Variants in PRAME observed in about 807,000 individuals in gnomAD.
PRAME encodes the protein PRAME nuclear receptor transcriptional regulator, also known as melanoma antigen preferentially expressed in tumors.
Under a neutral mutation model 32.1 loss-of-function variants are expected in PRAME, and 21 were observed. The ratio of observed to expected loss-of-function variants is 0.65; its 90% CI spans 0.46 to 0.94. The LOEUF is 0.94. PRAME is among the 40% of genes least tolerant of loss of function. The pLI is 0.00. For missense variants in PRAME, 651 were observed against 622.3 expected, an observed-to-expected ratio of 1.05 and a Z score of -0.49; for synonymous variants, 274 against 251.5, an observed-to-expected ratio of 1.09 and a Z score of -0.85.
intron 4 of PRAME, 137 bp from the exon 5 acceptor site, chr22:22,550,471 T>G: frequency 8.2e-7 from 1 of 1,226,108 alleles, no homozygotes; most frequent in Non-Finnish European, 1.1e-6. Context: ...ACTTCAGGCA[T>G]CAGCTGCTCC....
intron 4 of PRAME, 113 bp downstream of exon 4, chr22:22,550,654 C>T: frequency 7.9e-7 from 1 of 1,261,028 alleles, no homozygotes; most frequent in Non-Finnish European, 1.1e-6. Flanking sequence ...AACTTCCTTG[C>T]TGGCAACCAT....
intron 3 of PRAME, among the ~76,000 whole-genome samples, chr22:22,554,974 A>G (rs2062819497): frequency 6.6e-6 from 1 of 151,978 alleles, no homozygotes; most frequent in African/African-American, 2.4e-5. Context: ...CCAGCTTCAC[A>G]CTGCCAGTTT....
rs2062347406 is a variant in PRAME, at chr22:22,548,088, G to A, written c.1509C>T (p.Cys503=). 1 of 1,611,606 alleles carries A rather than the reference G, an allele frequency of 6.2e-7. No homozygotes were observed. Among genetic ancestry groups the A allele is most frequent in the Non-Finnish European group, 8.5e-7 (1 of 1,178,504 alleles). The stretch of plus-strand genomic sequence containing the variant: ...CCAGCTAATTAGGCATGAAACAGGG[G>A]CACAGGATGGGCTCCGGGTCATAGA... The part of the protein sequence containing the change: ...RTFYDPEPIL[C]PCFMPN The change falls in exon 6 of 6, where the codon TGC becomes TGT. Residue 503 remains cysteine (C), a synonymous_variant. Transcript: ENST00000405655.
intron 3 of PRAME, among the ~76,000 whole-genome samples, chr22:22,554,773 T>C (rs773166181): frequency 6.6e-6 from 1 of 151,932 alleles, no homozygotes; most frequent in African/African-American, 2.4e-5. Flanking sequence ...ATCTAAGTGT[T>C]AGAAAGGGCT....
intron 2 of PRAME, chr22:22,557,126 G>T (rs1432623762): frequency 7.9e-6 from 4 of 507,640 alleles, no homozygotes; most frequent in Non-Finnish European, 1.4e-5. Context: ...CCATGTGGTT[G>T]GTCACAAGTG....
intron 3 of PRAME, chr22:22,554,152 ATCCTGGGCCTG>A: frequency 1.0e-6 from 1 of 985,140 alleles, no homozygotes; most frequent in Non-Finnish European, 1.2e-6. Context: ...GATGATTCCT[ATCCTGGGCCTG>A]ATCACCCACT....
chr22:22,548,001 G>A lies in PRAME; in HGVS notation c.*66C>T, dbSNP rs1398833891. On this transcript the variant is annotated 3_prime_UTR_variant, in exon 6 of 6. Coordinates refer to ENST00000405655, the MANE Select transcript of PRAME (RefSeq NM_206956.3). ...AACTGTGGCTGCTTTGTTGCTTCAA[G>A]ATGCATGCACATCCTGGCTTTAGTG... 3 of 1,477,942 alleles carry A rather than the reference G, an allele frequency of 2.0e-6. No homozygotes were observed. Among genetic ancestry groups the A allele is most frequent in the Non-Finnish European group, 2.8e-6 (3 of 1,090,222 alleles). 91.6% of individuals were successfully genotyped at this position (1,477,942 alleles called of 1,614,324 possible).
intron 4 of PRAME, 66 bp downstream of exon 4, chr22:22,550,701 C>T: frequency 6.7e-7 from 1 of 1,491,962 alleles, no homozygotes; most frequent in Non-Finnish European, 9.0e-7. Context: ...CTCCATGCTC[C>T]CTGACCCCAG....
chr22:22,554,098 AC>A lies in PRAME; in HGVS notation c.21+2713del. 3 of 918,774 alleles carry A rather than the reference AC, an allele frequency of 3.3e-6. No individual in the cohort carries two copies. The South Asian group carries it at 1.6e-4, about 49-fold the overall frequency. The allele number at this position is 918,774 out of a possible 1,614,324, so 56.9% of individuals were successfully genotyped here. On this transcript the variant is annotated intron_variant, in intron 3 of 5. Transcript: ENST00000405655. ...ACAGTGCACAAATACATTTTCCGTC[AC>A]AAAAAATTGAAGTTATATTTGGCAT...
chr22:22,551,146 A>ATC (rs1237101103), intron 3 of PRAME, 57 bp from the exon 4 acceptor site: 2 of 1,466,102 alleles, frequency 1.4e-6, no homozygotes, highest in Non-Finnish European at 1.8e-6. Context: ...AAGCAACTCT[A>ATC]TCTTTTCCTC....
chr22:22,556,258 C>A (rs1278648814), intron 3 of PRAME, among the ~76,000 whole-genome samples: 1 of 151,938 alleles, frequency 6.6e-6, no homozygotes, highest in Non-Finnish European at 1.5e-5. Flanking sequence ...CCACCTCGGC[C>A]TCCCATGGTA....
At chr22:22,550,462 C>T (rs1009933160) in intron 4 of PRAME, 128 bp from the exon 5 acceptor site, 7 of 1,277,088 alleles carry the variant, frequency 5.5e-6, no homozygotes, top group East Asian at 4.7e-5. Flanking sequence ...TTACTTCGTA[C>T]TTCAGGCATC....
At chr22:22,555,319 C>T (rs1312253300) in intron 3 of PRAME, among the ~76,000 whole-genome samples, 1 of 151,832 alleles carries the variant, frequency 6.6e-6, no homozygotes, top group African/African-American at 2.4e-5. Context: ...TCACTGCAAC[C>T]TCTGCCTCCT....
rs2062533807 is a variant in PRAME, at chr22:22,551,009, C to T, written c.102G>A (p.Leu34=). Residue 34 remains leucine (L), a synonymous_variant, in exon 4 of 6, where the codon CTG becomes CTA. Transcript: ENST00000405655. ...RRLVELAGQS[L]LKDEALAIAA... ...CAATGGCCAGGGCCTCATCCTTCAG[C>T]AGGCTCTGCCCTGCCAGCTCCACAA... The T allele has an allele frequency of 6.2e-7, 1 of 1,612,768 alleles. No individual in the cohort carries two copies. The highest frequency in any genetic ancestry group is 8.5e-7 in the Non-Finnish European group (1 of 1,179,398).
At chr22:22,550,384 C>CA (rs1353872158) in intron 4 of PRAME, 50 bp from the exon 5 acceptor site, 1 of 1,576,618 alleles carries the variant, frequency 6.3e-7, no homozygotes, top group Non-Finnish European at 8.6e-7. Flanking sequence ...AAGATCAACT[C>CA]AAAATAAGAC....
chr22:22,554,375 T>TCTC (rs1307058264), intron 3 of PRAME, among the ~76,000 whole-genome samples: 1 of 151,992 alleles, frequency 6.6e-6, no homozygotes, highest in Non-Finnish European at 1.5e-5. Flanking sequence ...TGGTTCTCTC[T>TCTC]CTGGAGACTT....
chr22:22,554,062 C>T, intron 3 of PRAME: 2 of 984,650 alleles, frequency 2.0e-6, no homozygotes. Flanking sequence ...TTCTCTATTT[C>T]CATGCTAGGC....
At chr22:22,556,688 G>T in intron 3 of PRAME, 124 bp downstream of exon 3, 1 of 1,136,852 alleles carries the variant, frequency 8.8e-7, no homozygotes, top group Non-Finnish European at 1.3e-6. Flanking sequence ...CAATAAAAGC[G>T]GCTCCTGCCT....
At chr22:22,551,949 T>C (rs543656755) in intron 3 of PRAME, among the ~76,000 whole-genome samples, 1 of 151,618 alleles carries the variant, frequency 6.6e-6, no homozygotes, top group South Asian at 2.1e-4. Flanking sequence ...TACAATACAT[T>C]ATTAACTACA....
Sources: allele counts gnomAD v4.1 joint callset (sites outside exome capture counted in the v4.1 genomes callset), GRCh38; gene constraint gnomAD v4.1.1; transcripts MANE v1.5; gene names NCBI Gene and HGNC (gene_info 2026-07-23, HGNC 2026-07-21).